MTHFD1: variants seen among roughly 807,000 people sequenced by gnomAD.
MTHFD1 encodes C-1-tetrahydrofolate synthase, cytoplasmic.
Under a neutral mutation model 110.3 loss-of-function variants are expected in MTHFD1, and 44 were observed. The ratio of observed to expected loss-of-function variants is 0.40; its 90% CI spans 0.31 to 0.51. The LOEUF is 0.51. MTHFD1 is among the 20% of genes least tolerant of loss of function. MTHFD1 has a pLI of 0.60. For synonymous variants in MTHFD1, 402 were observed against 428.8 expected (o/e 0.94, Z 0.77); for missense variants, 909 against 1,173.1 (o/e 0.77, Z 3.29).
chr14:64,448,782 T>C lies in MTHFD1; in HGVS notation c.2279+465T>C, dbSNP rs574542108. ...TTTTGTTATAATGGCCTCACCGTAG[T>C]AGAATGGGAAGCAAAAAATCTTTTT... On this transcript the variant is annotated intron_variant, in intron 23 of 27. Coordinates refer to ENST00000652337, the MANE Select transcript of MTHFD1 (RefSeq NM_005956.4). Among the ~76,000 whole-genome samples the C allele has an allele frequency of 4.0e-5, 6 of 149,804 alleles. No homozygotes were observed. In the East Asian group the frequency reaches 9.8e-4, roughly 24 times the overall value.
intron 12 of MTHFD1, among the ~76,000 whole-genome samples, chr14:64,429,493 A>G (rs1433334373): frequency 6.6e-6 from 1 of 151,960 alleles, no homozygotes; most frequent in African/African-American, 2.4e-5. Flanking sequence ...TTTGGCTAAT[A>G]CAGATTGAGC....
chr14:64,414,235 A>C (rs1292888479), intron 4 of MTHFD1, among the ~76,000 whole-genome samples: 1 of 150,256 alleles, frequency 6.7e-6, no homozygotes, highest in Non-Finnish European at 1.5e-5. Context: ...TGCCCACTCA[A>C]GCCTCCCAAA....
At chr14:64,444,813 G>T in intron 22 of MTHFD1, 79 bp downstream of exon 22, 1 of 1,495,216 alleles carries the variant, frequency 6.7e-7, no homozygotes, top group Non-Finnish European at 9.3e-7. Flanking sequence ...GGCCCATGTG[G>T]AAATGAATGG....
intron 2 of MTHFD1, among the ~76,000 whole-genome samples, chr14:64,410,521 C>T (rs545763751): frequency 2.0e-5 from 3 of 152,282 alleles, no homozygotes; most frequent in South Asian, 2.1e-4. Context: ...TTGCTGCACC[C>T]GGCCTCCTCT....
chr14:64,431,449 T>C lies in MTHFD1; in HGVS notation c.1312-83T>C. The stretch of plus-strand genomic sequence containing the variant: ...CTTCAGTATTCCATTGGCTTTAAAA[T>C]AGGGATTGAGCTTTGCAATAGAATG... On this transcript the variant is annotated intron_variant, in intron 13 of 27. Coordinates refer to ENST00000652337, the MANE Select transcript of MTHFD1 (RefSeq NM_005956.4). The C allele has an allele frequency of 2.5e-6, 3 of 1,188,122 alleles. 1 individual carries two copies. The South Asian group carries it at 3.8e-5, about 15-fold the overall frequency. 73.6% of individuals were successfully genotyped at this position (1,188,122 alleles called of 1,614,324 possible). A position where few individuals can be genotyped will look rare whatever the true frequency, so the allele number is the denominator to read the frequency against.
chr14:64,404,458 C>G (rs1289278335), intron 2 of MTHFD1, among the ~76,000 whole-genome samples: 4 of 152,204 alleles, frequency 2.6e-5, no homozygotes, highest in Non-Finnish European at 4.4e-5. Context: ...GCTCCAGATT[C>G]ACCCAGTAGG....
intron 26 of MTHFD1, chr14:64,455,212 T>C (rs1347962768): frequency 2.8e-6 from 1 of 355,544 alleles, no homozygotes; most frequent in Non-Finnish European, 5.4e-6. Flanking sequence ...TTAATGTTTA[T>C]TGGGAGCCTT....
intron 2 of MTHFD1, among the ~76,000 whole-genome samples, chr14:64,410,056 C>T (rs528970961): frequency 1.3e-5 from 2 of 152,298 alleles, no homozygotes; most frequent in South Asian, 2.1e-4. Flanking sequence ...ATACCAACCA[C>T]TGGAGCATGA....
At chr14:64,425,085 G>A (rs145807792) in intron 9 of MTHFD1, among the ~76,000 whole-genome samples, 154 bp downstream of exon 9, 92 of 152,258 alleles carry the variant, frequency 6.0e-4, no homozygotes, top group Non-Finnish European at 1.2e-3. Context: ...AATAAGATCA[G>A]GCACATTAAT....
At chr14:64,429,672 A>G (rs950049548) in intron 12 of MTHFD1, among the ~76,000 whole-genome samples, 1 of 152,080 alleles carries the variant, frequency 6.6e-6, no homozygotes, top group Non-Finnish European at 1.5e-5. Context: ...GAAAACAAAA[A>G]CCCAAATCCA....
At chr14:64,421,827 A>G (rs7147830) in intron 8 of MTHFD1, among the ~76,000 whole-genome samples, 9,938 of 151,776 alleles carry the variant, frequency 0.065, 615 homozygotes, top group African/African-American at 0.17. Context: ...GGGTTTCACC[A>G]TGTTAGCCAG....
chr14:64,431,076 CT>C lies in MTHFD1; in HGVS notation c.1312-440del, dbSNP rs369540665. On this transcript the variant is annotated intron_variant, in intron 13 of 27. Coordinates refer to ENST00000652337, the MANE Select transcript of MTHFD1 (RefSeq NM_005956.4). ...ATGTTTTCTTTTTCTTTTTCTTTTT[CT>C]TTTTTTTTTTTTTTTAAGACAGAGT... Among the ~76,000 whole-genome samples, 535 of 135,292 alleles carry C rather than the reference CT, an allele frequency of 4.0e-3. 1 individual carries two copies. The highest frequency in any genetic ancestry group is 5.2e-3 in the East Asian group (25 of 4,768). 88.8% of individuals were successfully genotyped at this position (135,292 alleles called of 152,430 possible).
Position 64,427,438 on chromosome 14 carries a change from G to GA in MTHFD1, c.1230dup (p.Gln411ThrfsTer29). ...TACCAGAATGTCTTTGCGTGTGTGC[G>GA]ACAGCCTTCTCAGGGCCCCACCTTT... On this transcript the variant is annotated frameshift_variant, in exon 12 of 28. Coordinates refer to ENST00000652337, the MANE Select transcript of MTHFD1 (RefSeq NM_005956.4). LOFTEE classifies it high-confidence loss of function. 6.2e-7 allele frequency: 1 copy of GA among 1,614,172 alleles called. No homozygotes were observed. The highest frequency in any genetic ancestry group is 8.5e-7 in the Non-Finnish European group (1 of 1,180,030).
At chr14:64,407,208 G>A (rs1596535220) in intron 2 of MTHFD1, among the ~76,000 whole-genome samples, 2 of 152,262 alleles carry the variant, frequency 1.3e-5, no homozygotes, top group East Asian at 1.9e-4. Context: ...GCTCACGCCT[G>A]TAATCCCACC....
chr14:64,453,180 ATATG>A (rs1276500747), intron 24 of MTHFD1, among the ~76,000 whole-genome samples: 1 of 152,118 alleles, frequency 6.6e-6, no homozygotes, highest in Admixed American at 6.5e-5. Context: ...ATCTATATAT[ATATG>A]TATGTGTGTA....
At chr14:64,397,170 TATATATATATATATATATATAAAA>T (rs1566553142) in intron 1 of MTHFD1, among the ~76,000 whole-genome samples, 8 of 20,410 alleles carry the variant, frequency 3.9e-4, no homozygotes, top group Non-Finnish European at 5.8e-4. Flanking sequence ...TATATATATA[TATATATATATATATATATATAAAA>T]AACAGTAATC....
chr14:64,439,698 C>T (rs2078233101), intron 17 of MTHFD1, among the ~76,000 whole-genome samples: 1 of 151,054 alleles, frequency 6.6e-6, no homozygotes, highest in Admixed American at 6.6e-5. Flanking sequence ...GTCAGGAGTT[C>T]GAGATCAGCC....
Position 64,440,479 on chromosome 14 carries a change from A to T in MTHFD1, c.1815+213A>T, listed in dbSNP as rs2140974396. The T allele has an allele frequency of 6.3e-6, 4 of 631,698 alleles. No homozygotes were observed. The East Asian group carries it at 1.3e-4, about 20-fold the overall frequency. 39.1% of individuals were successfully genotyped at this position (631,698 alleles called of 1,614,324 possible). A position where few individuals can be genotyped will look rare whatever the true frequency, so the allele number is the denominator to read the frequency against. On this transcript the variant is annotated intron_variant, in intron 18 of 27. Transcript: ENST00000652337. ...AGCTGGTATGCTTTAGTAATAGATC[A>T]CAAGTTCCAGATGATTTGAGTAACA... is the stretch of plus-strand genomic sequence containing the variant.
chr14:64,435,557 C>T lies in MTHFD1; in HGVS notation c.1495-12C>T, dbSNP rs2078199947. The stretch of plus-strand genomic sequence containing the variant: ...TGTCTTATTTTATGTTTTCATTTTC[C>T]TACACTTTCAGAGACTAGGCATTGA... On this transcript the variant is annotated splice_polypyrimidine_tract_variant and intron_variant, in intron 15 of 27. Coordinates refer to ENST00000652337, the MANE Select transcript of MTHFD1 (RefSeq NM_005956.4). 1.3e-6 allele frequency: 2 copies of T among 1,532,712 alleles called. No individual in the cohort carries two copies. The highest frequency in any genetic ancestry group is 3.3e-5 in the Admixed American group (2 of 59,868). The allele number at this position is 1,532,712 out of a possible 1,614,324, so 94.9% of individuals were successfully genotyped here.
Sources: allele counts gnomAD v4.1 joint callset (sites outside exome capture counted in the v4.1 genomes callset), GRCh38; gene constraint gnomAD v4.1.1; transcripts MANE v1.5; gene names NCBI Gene and HGNC (gene_info 2026-07-23, HGNC 2026-07-21).